The following AKT3 variants were observed in gnomAD, a reference collection of about 807,000 sequenced individuals.
AKT3 encodes RAC-gamma serine/threonine-protein kinase.
In AKT3, 15 loss-of-function variants were observed where a neutral mutation model predicts 65.3. That is an observed-to-expected ratio of 0.23 (90% CI 0.15 to 0.35). The LOEUF (loss-of-function observed/expected upper bound fraction) is 0.35, where lower values mean the gene tolerates loss of function less well. Among genes scored for constraint, AKT3 ranks in the 10% least tolerant of loss-of-function variants. The pLI is 1.00. For missense variants in AKT3, 243 were observed against 576.5 expected (o/e 0.42, Z 5.92); for synonymous variants, 206 against 183.8 (o/e 1.12, Z -0.98).
At chr1:243,679,810 T>C (rs1244802142) in intron 3 of AKT3, among the ~76,000 whole-genome samples, 2 of 152,034 alleles carry the variant, frequency 1.3e-5, no homozygotes, top group Non-Finnish European at 2.9e-5. Flanking sequence ...GACCCATCAA[T>C]AGGTAAAGAA....
intron 2 of AKT3, among the ~76,000 whole-genome samples, chr1:243,798,948 C>A (rs1692215798): frequency 1.3e-5 from 2 of 152,174 alleles, no homozygotes; most frequent in South Asian, 4.1e-4. Flanking sequence ...CTGTTCATCG[C>A]TAAAGTATGA....
At chr1:243,771,292 T>A (rs905721809) in intron 2 of AKT3, among the ~76,000 whole-genome samples, 5 of 152,150 alleles carry the variant, frequency 3.3e-5, no homozygotes, top group Non-Finnish European at 7.4e-5. Flanking sequence ...TTCTATTAAT[T>A]ACATCATGTT....
intron 8 of AKT3, among the ~76,000 whole-genome samples, chr1:243,613,384 A>G (rs560903659): frequency 2.0e-5 from 3 of 152,142 alleles, no homozygotes; most frequent in South Asian, 4.1e-4. Context: ...TCAAAATTTA[A>G]TAACATGATT....
intron 2 of AKT3, among the ~76,000 whole-genome samples, chr1:243,721,370 T>C (rs1205818888): frequency 6.6e-6 from 1 of 152,146 alleles, no homozygotes; most frequent in Non-Finnish European, 1.5e-5. Context: ...TCTATTAATA[T>C]TAGATCATAA....
chr1:243,621,362 T>C (rs1202983118), intron 6 of AKT3, among the ~76,000 whole-genome samples: 3 of 152,202 alleles, frequency 2.0e-5, no homozygotes, highest in Admixed American at 6.5e-5. Flanking sequence ...TTCTTTTGGG[T>C]CCCAGGACAT....
At chr1:243,724,436 A>G (rs1319842112) in intron 2 of AKT3, among the ~76,000 whole-genome samples, 1 of 152,182 alleles carries the variant, frequency 6.6e-6, no homozygotes, top group Admixed American at 6.5e-5. Context: ...GAGAATCAAT[A>G]AGGAATTTAG....
intron 2 of AKT3, among the ~76,000 whole-genome samples, chr1:243,834,994 T>C (rs1247201989): frequency 6.6e-6 from 1 of 152,116 alleles, no homozygotes; most frequent in South Asian, 2.1e-4. Flanking sequence ...AATATAAATA[T>C]AGCATTGGAA....
chr1:243,663,819 G>T (rs1364560414), intron 4 of AKT3, among the ~76,000 whole-genome samples: 1 of 152,144 alleles, frequency 6.6e-6, no homozygotes, highest in Non-Finnish European at 1.5e-5. Context: ...TGGTGGTTTT[G>T]TGACTGTGGT....
chr1:243,843,853 T>C (rs551810585), intron 1 of AKT3, among the ~76,000 whole-genome samples: 6 of 151,906 alleles, frequency 3.9e-5, no homozygotes, highest in Admixed American at 2.6e-4. Context: ...GGTTTCACCA[T>C]ATTGGCCAGG....
Position 243,505,257 on chromosome 1 carries a change from G to A in AKT3, c.1432C>T (p.Arg478Ter), listed in dbSNP as rs2148345153. 6.2e-7 allele frequency: 1 copy of A among 1,613,014 alleles called. No homozygotes were observed. Among genetic ancestry groups the A allele is most frequent in the African/African-American group, 1.3e-5 (1 of 74,996 alleles). Residue 478 changes from arginine (R) to a stop codon, truncating the protein, a stop_gained, in exon 14 of 14, where the codon CGA becomes TGA. Coordinates refer to ENST00000673466, the MANE Select transcript of AKT3 (RefSeq NM_005465.7). LOFTEE classifies it high-confidence loss of function. Reference sequence around the variant, plus strand: ...AGCAGAATGAAAGAGACTTATTCTCGTCCACTTGCAGAGTAGGAAAATTGA... The same window carrying A: ...AGCAGAATGAAAGAGACTTATTCTCATCCACTTGCAGAGTAGGAAAATTGA... ...FPQFSYSASG[R>*]E
rs1464933729 is a variant in AKT3 at position 243,547,178 on chromosome 1, A to G, written c.1164-1581T>C. On this transcript the variant is annotated intron_variant, in intron 11 of 13. Coordinates refer to ENST00000673466, the MANE Select transcript of AKT3 (RefSeq NM_005465.7). ...CCACTGTGGCCAGTTTCGAGCTACC[A>G]ATAAGATGTCACTGAACATGTAGGC... Among the ~76,000 whole-genome samples the G allele has an allele frequency of 2.0e-5, 3 of 152,354 alleles. No homozygotes were observed. In the East Asian group the frequency reaches 5.8e-4, roughly 29 times the overall value.
At chr1:243,843,070 A>G in intron 2 of AKT3, 55 bp downstream of exon 2, 1 of 1,570,634 alleles carries the variant, frequency 6.4e-7, no homozygotes, top group Non-Finnish European at 8.7e-7. Context: ...CTAAGACACC[A>G]CTCACTGCTA....
intron 12 of AKT3, among the ~76,000 whole-genome samples, chr1:243,523,306 C>CACACACA (rs1553395180): frequency 1.4e-5 from 2 of 147,064 alleles, no homozygotes; most frequent in African/African-American, 5.2e-5. Flanking sequence ...CACACACACA[C>CACACACA]ACCTTTCAGA....
chr1:243,514,528 A>G (rs1047314828), intron 12 of AKT3, among the ~76,000 whole-genome samples: 3 of 152,218 alleles, frequency 2.0e-5, no homozygotes, highest in Admixed American at 2.0e-4. Flanking sequence ...AGGCACGTAT[A>G]CATGCACACA....
intron 2 of AKT3, among the ~76,000 whole-genome samples, chr1:243,751,472 A>AG (rs1424348286): frequency 6.6e-6 from 1 of 152,106 alleles, no homozygotes; most frequent in Admixed American, 6.5e-5. Flanking sequence ...TTTTTAGGGG[A>AG]GGGGGGAATG....
intron 2 of AKT3, among the ~76,000 whole-genome samples, chr1:243,717,864 C>T (rs983418328): frequency 8.5e-5 from 13 of 152,124 alleles, no homozygotes; most frequent in African/African-American, 2.7e-4. Context: ...CAGCTAATTT[C>T]GATCATAAAA....
upstream of AKT3, chr1:243,851,035 G>A (rs1405131438): frequency 6.6e-6 from 1 of 152,302 alleles, no homozygotes; most frequent in African/African-American, 2.4e-5. Flanking sequence ...TGGGCCCGGC[G>A]CGAGGGCTCG....
At chr1:243,703,607 A>C (rs1438252489) in intron 2 of AKT3, among the ~76,000 whole-genome samples, 1 of 151,988 alleles carries the variant, frequency 6.6e-6, no homozygotes, top group African/African-American at 2.4e-5. Flanking sequence ...AAAAATATAA[A>C]AATTAGCCGG....
chr1:243,516,829 T>C (rs780718163), intron 12 of AKT3, among the ~76,000 whole-genome samples: 2 of 152,196 alleles, frequency 1.3e-5, no homozygotes, highest in African/African-American at 2.4e-5. Flanking sequence ...AGTCTCGAAC[T>C]CCTCTACCTT....
Sources: gnomAD v4.1 joint callset for allele counts (sites outside exome capture counted in the v4.1 genomes callset) on GRCh38, gnomAD v4.1.1 for gene constraint, MANE v1.5 for transcripts, NCBI Gene and HGNC (gene_info 2026-07-23, HGNC 2026-07-21) for gene names.